Variants in LRRK1 observed in about 807,000 individuals in gnomAD.
LRRK1 encodes the protein leucine-rich repeat serine/threonine-protein kinase 1.
LRRK1 carries 113 observed loss-of-function variants against 209.1 expected under a neutral mutation model. That is an observed-to-expected ratio of 0.54 (90% CI 0.46 to 0.63). The LOEUF is 0.63. Among genes scored for constraint, LRRK1 ranks in the 30% least tolerant of loss-of-function variants. The pLI, the probability that LRRK1 is intolerant of heterozygous loss-of-function variation, is 0.00. For synonymous variants in LRRK1, 1,144 were observed against 1,099.7 expected, an observed-to-expected ratio of 1.04 and a Z score of -0.80; for missense variants, 2,284 against 2,632.2, an observed-to-expected ratio of 0.87 and a Z score of 2.89.
rs769551074 is a variant in LRRK1 at position 101,051,836 on chromosome 15, G to C, written c.3565G>C (p.Asp1189His). 1.2e-6 allele frequency: 2 copies of C among 1,614,130 alleles called. No homozygotes were observed. The highest frequency in any genetic ancestry group is 1.7e-6 in the Non-Finnish European group (2 of 1,180,030). ...SEKSEDVQYF[D>H]MEDCVLTAIE... is the part of the protein sequence containing the mutation. Reference sequence around the variant, plus strand: ...GAAATCAGAGGATGTGCAGTACTTCGACATGGAAGACTGTGTCCTGACGGC... The same window carrying C: ...GAAATCAGAGGATGTGCAGTACTTCCACATGGAAGACTGTGTCCTGACGGC... Residue 1189 changes from aspartate to histidine, a missense_variant, in exon 24 of 34, where the codon GAC becomes CAC. By Grantham distance (81) the Asp-to-His change is moderately conservative (BLOSUM62 -1). Around this residue, in one of 6 missense-constraint regions of LRRK1, gnomAD observed 780 missense variants for 985.2 expected, o/e 0.79. Transcript: ENST00000388948.
At chr15:100,946,550 C>T (rs1173833292) in intron 2 of LRRK1, among the ~76,000 whole-genome samples, 1 of 152,200 alleles carries the variant, frequency 6.6e-6, no homozygotes, top group Non-Finnish European at 1.5e-5. Flanking sequence ...CTCACTCCCA[C>T]TCCAACATCA....
intron 2 of LRRK1, among the ~76,000 whole-genome samples, chr15:100,956,970 G>A (rs1228019264): frequency 5.9e-5 from 9 of 152,118 alleles, no homozygotes; most frequent in East Asian, 3.9e-4. Flanking sequence ...GCTGTATCCC[G>A]TAAGTTTTGG....
In LRRK1 at chr15:101,061,266, G is replaced by T; in HGVS notation, c.4775G>T (p.Arg1592Ile). The T allele has an allele frequency of 6.2e-7, 1 of 1,613,892 alleles. No homozygotes were observed. The highest frequency in any genetic ancestry group is 1.1e-5 in the South Asian group (1 of 91,066). The stretch of plus-strand genomic sequence containing the variant: ...GTGAGCTGCCAGCTCCAGGTCCAGA[G>T]ATCCCTGTGGACAGCCACCGAGGTA... Reference protein sequence around the residue: ...MKVSCQLQVQRSLWTATEDQK... With the variant: ...MKVSCQLQVQISLWTATEDQK... Residue 1592 changes from arginine to isoleucine, a missense_variant, in exon 30 of 34, where the codon AGA becomes ATA. Around this residue, in one of 6 missense-constraint regions of LRRK1, gnomAD observed 643 missense variants for 695.9 expected, o/e 0.92. Transcript: ENST00000388948.
intron 2 of LRRK1, among the ~76,000 whole-genome samples, chr15:100,936,565 C>G (rs2042303723): frequency 6.6e-6 from 1 of 152,232 alleles, no homozygotes; most frequent in Non-Finnish European, 1.5e-5. Flanking sequence ...GCCAGGGCAT[C>G]TACTGGATAG....
At chr15:101,047,696 G>A (rs984582182) in intron 21 of LRRK1, among the ~76,000 whole-genome samples, 1 of 150,264 alleles carries the variant, frequency 6.7e-6, no homozygotes, top group South Asian at 2.1e-4. Context: ...CCAGCCCGGG[G>A]CACGGAGCGG....
Position 101,005,790 on chromosome 15 carries a change from A to G in LRRK1, c.763-3047A>G, listed in dbSNP as rs564746741. Among the ~76,000 whole-genome samples the G allele has an allele frequency of 3.0e-5, 4 of 132,206 alleles. No individual in the cohort carries two copies. In the East Asian group the frequency reaches 8.9e-4, roughly 30 times the overall value. The allele number at this position is 132,206 out of a possible 152,430, so 86.7% of individuals were successfully genotyped here. A position where few individuals can be genotyped will look rare whatever the true frequency, so the allele number is the denominator to read the frequency against. ...AAATTGGGGATGACTTGGGTGTCAA[A>G]AAAATAATGATACTTGGGAAAAAAA... On this transcript the variant is annotated intron_variant, in intron 6 of 33. Coordinates refer to ENST00000388948, the MANE Select transcript of LRRK1 (RefSeq NM_024652.6).
intron 2 of LRRK1, among the ~76,000 whole-genome samples, chr15:100,942,203 T>C (rs2042452259): frequency 6.6e-6 from 1 of 152,158 alleles, no homozygotes; most frequent in Non-Finnish European, 1.5e-5. Flanking sequence ...AAGAACCGGC[T>C]CTACAGTCGG....
At chr15:101,039,364 T>C (rs2141114496) in intron 20 of LRRK1, among the ~76,000 whole-genome samples, 1 of 152,358 alleles carries the variant, frequency 6.6e-6, no homozygotes. Flanking sequence ...TGTTCTCCGA[T>C]ATGGGTAAAT....
At chr15:100,925,027 CAT>C (rs2042086179) in intron 2 of LRRK1, among the ~76,000 whole-genome samples, 1 of 151,654 alleles carries the variant, frequency 6.6e-6, no homozygotes, top group Non-Finnish European at 1.5e-5. Flanking sequence ...AAAAATAATA[CAT>C]GTTTATTAAG....
At chr15:101,066,262 G>C in intron 32 of LRRK1, 57 bp downstream of exon 32, 2 of 1,541,266 alleles carry the variant, frequency 1.3e-6, no homozygotes, top group South Asian at 1.2e-5. Context: ...CCTGCTCTGG[G>C]GACAGAGCAA....
chr15:100,972,357 AGAGAGAGT>A (rs1172407617), intron 2 of LRRK1, among the ~76,000 whole-genome samples: 2,666 of 95,760 alleles, frequency 0.028, 33 homozygotes, highest in African/African-American at 0.072. Context: ...AGAGAGAGAG[AGAGAGAGT>A]GTGTGTGTGT....
At chr15:101,062,451 C>G in intron 30 of LRRK1, 123 bp from the exon 31 acceptor site, 1 of 702,108 alleles carries the variant, frequency 1.4e-6, no homozygotes, top group East Asian at 2.5e-5. Flanking sequence ...ACGTGTCAAT[C>G]CATGTAACTT....
rs1420719052 is a variant in LRRK1, at chr15:101,077,612, C to T, written c.*8764C>T. ...GGTCATCACCAATAATTCTAAATGACGAATGTTTCTTCTAACAACCGCACA... is the reference window on the plus strand; with the variant it reads ...GGTCATCACCAATAATTCTAAATGATGAATGTTTCTTCTAACAACCGCACA... On this transcript the variant is annotated 3_prime_UTR_variant, in exon 34 of 34. Transcript: ENST00000388948. 4 of 152,154 alleles carry T rather than the reference C, an allele frequency of 2.6e-5. No homozygotes were observed. The highest frequency in any genetic ancestry group is 4.4e-5 in the Non-Finnish European group (3 of 68,030). 9.4% of individuals were successfully genotyped at this position (152,154 alleles called of 1,614,324 possible). A position where few individuals can be genotyped will look rare whatever the true frequency, so the allele number is the denominator to read the frequency against.
chr15:101,067,820 A>G (rs2141167494), intron 33 of LRRK1, among the ~76,000 whole-genome samples: 1 of 152,368 alleles, frequency 6.6e-6, no homozygotes, highest in East Asian at 1.9e-4. Flanking sequence ...ATGGGTGTGC[A>G]GCACCCAGGT....
intron 20 of LRRK1, among the ~76,000 whole-genome samples, chr15:101,040,935 G>A (rs903534483): frequency 6.6e-6 from 1 of 152,160 alleles, no homozygotes; most frequent in Non-Finnish European, 1.5e-5. Context: ...TAAACAACGT[G>A]TTCAAATCTT....
At chr15:100,930,469 T>C (rs1401562943) in intron 2 of LRRK1, among the ~76,000 whole-genome samples, 1 of 152,084 alleles carries the variant, frequency 6.6e-6, no homozygotes. Flanking sequence ...CCATCCTAGG[T>C]GGCCCAAGCC....
chr15:101,048,869 G>A (rs2035232678), intron 22 of LRRK1, among the ~76,000 whole-genome samples: 1 of 152,216 alleles, frequency 6.6e-6, no homozygotes, highest in Admixed American at 6.5e-5. Flanking sequence ...CTTGCAGGAC[G>A]GGAAAGGCAA....
chr15:100,991,869 A>G (rs941537816), intron 6 of LRRK1, among the ~76,000 whole-genome samples: 1 of 152,206 alleles, frequency 6.6e-6, no homozygotes, highest in Middle Eastern at 3.2e-3. Context: ...ATATTTAGGT[A>G]GTTTCCATGT....
At chr15:101,051,634 G>A in intron 23 of LRRK1, 77 bp from the exon 24 acceptor site, 1 of 1,523,556 alleles carries the variant, frequency 6.6e-7, no homozygotes. Context: ...CTCAGGGCCT[G>A]GGGTGCAGAG....
Sources: allele counts gnomAD v4.1 joint callset (sites outside exome capture counted in the v4.1 genomes callset), GRCh38; gene constraint gnomAD v4.1.1; regional missense constraint gnomAD v4.1.1; transcripts MANE v1.5; gene names NCBI Gene and HGNC (gene_info 2026-07-23, HGNC 2026-07-21).